Variants in NEGR1 observed in about 807,000 individuals in gnomAD.
The protein encoded by NEGR1 is neuronal growth regulator 1, also known as IgLON family member 4.
In NEGR1, 10 loss-of-function variants were observed where a neutral mutation model predicts 40.9. That is an observed-to-expected ratio of 0.24 (90% CI 0.15 to 0.42). The LOEUF (loss-of-function observed/expected upper bound fraction) is 0.42. Ranked by LOEUF, NEGR1 falls within the 10% of genes least tolerant of loss-of-function variation. The pLI, the probability that NEGR1 is intolerant of heterozygous loss-of-function variation, is 1.00. For synonymous variants in NEGR1, 185 were observed against 166.8 expected (o/e 1.11, Z -0.84); for missense variants, 352 against 438.9 (o/e 0.80, Z 1.77).
chr1:71,951,841 C>A (rs1646073199), intron 1 of NEGR1, among the ~76,000 whole-genome samples: 1 of 151,808 alleles, frequency 6.6e-6, no homozygotes, highest in Non-Finnish European at 1.5e-5. Context: ...GTAAATCTTG[C>A]AATATTTCAA....
At chr1:71,656,985 A>T (rs1333166451) in intron 4 of NEGR1, among the ~76,000 whole-genome samples, 1 of 152,224 alleles carries the variant, frequency 6.6e-6, no homozygotes, top group Non-Finnish European at 1.5e-5. Flanking sequence ...ATCTAATAAT[A>T]CTGTTTGGCT....
At chr1:71,576,694 C>T (rs546066364) in intron 6 of NEGR1, among the ~76,000 whole-genome samples, 1 of 152,314 alleles carries the variant, frequency 6.6e-6, no homozygotes, top group East Asian at 1.9e-4. Context: ...TTTCTGACTT[C>T]CCATGCAGCT....
intron 1 of NEGR1, among the ~76,000 whole-genome samples, chr1:72,097,704 C>T (rs1407294500): frequency 6.6e-6 from 1 of 152,062 alleles, no homozygotes; most frequent in Non-Finnish European, 1.5e-5. Flanking sequence ...CAGAGAAAAC[C>T]AGGGAAATCA....
intron 6 of NEGR1, among the ~76,000 whole-genome samples, chr1:71,571,689 G>A (rs1364678021): frequency 6.6e-6 from 1 of 151,754 alleles, no homozygotes; most frequent in African/African-American, 2.4e-5. Flanking sequence ...ACTACCCAGG[G>A]GGCTGAGGTG....
chr1:72,167,379 T>C (rs1217692654), intron 1 of NEGR1, among the ~76,000 whole-genome samples: 1 of 152,046 alleles, frequency 6.6e-6, no homozygotes, highest in Admixed American at 6.6e-5. Flanking sequence ...AAAACACAAA[T>C]TTAAATAACT....
chr1:72,188,395 G>T (rs926337347), intron 1 of NEGR1, among the ~76,000 whole-genome samples: 3 of 151,334 alleles, frequency 2.0e-5, no homozygotes, highest in Non-Finnish European at 4.4e-5. Flanking sequence ...GTGCCTGCAG[G>T]TTAATTCACA....
At chr1:72,029,846 TATA>T (rs1646842123) in intron 1 of NEGR1, among the ~76,000 whole-genome samples, 1 of 152,156 alleles carries the variant, frequency 6.6e-6, no homozygotes, top group African/African-American at 2.4e-5. Flanking sequence ...AAAGCCAACA[TATA>T]ATAATACTAT....
At chr1:72,168,625 C>G (rs922894988) in intron 1 of NEGR1, among the ~76,000 whole-genome samples, 10 of 152,260 alleles carry the variant, frequency 6.6e-5, no homozygotes, top group African/African-American at 2.2e-4. Flanking sequence ...AGCAGTGGCT[C>G]GTGTCTGTAA....
At position 72,012,877 on chromosome 1, in the gene NEGR1, A is replaced by AT. The variant is rs147414036; in HGVS notation, c.177-77567dup. Among the ~76,000 whole-genome samples, 171 of 138,684 alleles carry AT rather than the reference A, an allele frequency of 1.2e-3. 3 individuals carry two copies. Among genetic ancestry groups the AT allele is most frequent in the South Asian group, 1.4e-3 (6 of 4,326 alleles). 91.0% of individuals were successfully genotyped at this position (138,684 alleles called of 152,430 possible). A position where few individuals can be genotyped will look rare whatever the true frequency, so the allele number is the denominator to read the frequency against. ...TATATACACACACACATATATATATATTTTTTTTTTTGTAGAGCAAGATAC... is the reference window on the plus strand; with the variant it reads ...TATATACACACACACATATATATATATTTTTTTTTTTTGTAGAGCAAGATAC... On this transcript the variant is annotated intron_variant, in intron 1 of 6. Coordinates refer to ENST00000357731, the MANE Select transcript of NEGR1 (RefSeq NM_173808.3).
intron 1 of NEGR1, among the ~76,000 whole-genome samples, chr1:72,079,604 T>C (rs1647901432): frequency 6.6e-6 from 1 of 152,100 alleles, no homozygotes. Flanking sequence ...TCAATATGTA[T>C]GAACACAAAT....
chr1:72,109,197 T>C (rs1012000416), intron 1 of NEGR1, among the ~76,000 whole-genome samples: 5 of 151,690 alleles, frequency 3.3e-5, no homozygotes, highest in Non-Finnish European at 5.9e-5. Context: ...GTAGAGGTGA[T>C]ATTAAACTTT....
intron 2 of NEGR1, among the ~76,000 whole-genome samples, chr1:71,848,696 A>G (rs1423829921): frequency 6.6e-6 from 1 of 152,234 alleles, no homozygotes; most frequent in Non-Finnish European, 1.5e-5. Flanking sequence ...GACATACACA[A>G]GGAGATTAAT....
chr1:71,919,545 T>A (rs966855001), intron 2 of NEGR1, among the ~76,000 whole-genome samples: 1 of 150,630 alleles, frequency 6.6e-6, no homozygotes, highest in Non-Finnish European at 1.5e-5. Flanking sequence ...GGATAAAAAC[T>A]ACAGTTACTC....
chr1:71,702,294 T>G (rs575323994), intron 3 of NEGR1, among the ~76,000 whole-genome samples: 1 of 152,178 alleles, frequency 6.6e-6, no homozygotes, highest in East Asian at 1.9e-4. Flanking sequence ...CAAAGTTTAT[T>G]GGGAAGTAAA....
chr1:71,984,445 C>T (rs983055502), intron 1 of NEGR1, among the ~76,000 whole-genome samples: 1 of 151,956 alleles, frequency 6.6e-6, no homozygotes, highest in Non-Finnish European at 1.5e-5. Context: ...TTTTAATGTC[C>T]ATTTTTCCAC....
At chr1:71,996,653 C>T (rs1340131231) in intron 1 of NEGR1, among the ~76,000 whole-genome samples, 1 of 152,114 alleles carries the variant, frequency 6.6e-6, no homozygotes, top group Admixed American at 6.5e-5. Flanking sequence ...CCCATTCCTT[C>T]TTGCCTGCTC....
chr1:71,786,209 T>C (rs1240921183), intron 2 of NEGR1, among the ~76,000 whole-genome samples: 1 of 152,312 alleles, frequency 6.6e-6, no homozygotes, highest in Admixed American at 6.5e-5. Flanking sequence ...GGCAATTTCA[T>C]ATGATTCAAT....
At chr1:71,840,208 C>A (rs1156542108) in intron 2 of NEGR1, among the ~76,000 whole-genome samples, 1 of 152,050 alleles carries the variant, frequency 6.6e-6, no homozygotes, top group African/African-American at 2.4e-5. Context: ...ACATCAAAAA[C>A]ATCTGTAGGA....
At chr1:72,167,204 A>C in intron 1 of NEGR1, among the ~76,000 whole-genome samples, 1 of 152,170 alleles carries the variant, frequency 6.6e-6, no homozygotes, top group Non-Finnish European at 1.5e-5. Context: ...GTTTCACTAC[A>C]CAACCTGTAT....
Sources: allele counts gnomAD v4.1 joint callset (sites outside exome capture counted in the v4.1 genomes callset), GRCh38; gene constraint gnomAD v4.1.1; transcripts MANE v1.5; gene names NCBI Gene and HGNC (gene_info 2026-07-23, HGNC 2026-07-21).